The following MYO3B variants were observed in gnomAD, a reference collection of about 807,000 sequenced individuals.
The protein encoded by MYO3B is myosin-IIIb.
In MYO3B, 156 loss-of-function variants were observed where a neutral mutation model predicts 174.6. The observed-to-expected ratio is 0.89, with a 90% confidence interval of 0.78 to 1.02. MYO3B has a LOEUF of 1.02. Ranked by LOEUF, MYO3B falls within the 50% of genes least tolerant of loss-of-function variation. MYO3B has a pLI of 0.00. For synonymous variants in MYO3B, 563 were observed against 569.1 expected (o/e 0.99, Z 0.15); for missense variants, 1,632 against 1,639.4 (o/e 1.00, Z 0.08).
intron 12 of MYO3B, chr2:170,384,057 A>G (rs2094355880): frequency 7.4e-6 from 3 of 407,912 alleles, no homozygotes; most frequent in Non-Finnish European, 1.3e-5. Context: ...ATTTTCTCTG[A>G]TAAGATATAA....
At chr2:170,281,806 A>G (rs1227092982) in intron 7 of MYO3B, among the ~76,000 whole-genome samples, 2 of 152,196 alleles carry the variant, frequency 1.3e-5, no homozygotes, top group Non-Finnish European at 2.9e-5. Context: ...AAAAAAATTA[A>G]TAAGATAGGC....
intron 13 of MYO3B, among the ~76,000 whole-genome samples, chr2:170,386,712 A>C (rs1442546926): frequency 6.6e-6 from 1 of 152,232 alleles, no homozygotes; most frequent in East Asian, 1.9e-4. Context: ...GTAGTTACTT[A>C]CACTCTGAAT....
intron 22 of MYO3B, among the ~76,000 whole-genome samples, chr2:170,427,966 A>G (rs141360966): frequency 9.4e-4 from 143 of 152,308 alleles, no homozygotes; most frequent in African/African-American, 3.3e-3. Context: ...ATGTTTTACT[A>G]GGAGAATAGA....
intron 7 of MYO3B, among the ~76,000 whole-genome samples, chr2:170,252,140 C>G (rs1022644537): frequency 6.6e-6 from 1 of 152,222 alleles, no homozygotes; most frequent in Non-Finnish European, 1.5e-5. Flanking sequence ...TGATAATGCA[C>G]TTACCTGAAG....
intron 8 of MYO3B, among the ~76,000 whole-genome samples, chr2:170,345,949 G>T (rs2094012848): frequency 6.6e-6 from 1 of 151,936 alleles, no homozygotes; most frequent in Non-Finnish European, 1.5e-5. Context: ...AGGGAGAATA[G>T]CCCTGCCGAC....
intron 6 of MYO3B, among the ~76,000 whole-genome samples, chr2:170,220,173 G>A (rs1249198840): frequency 1.3e-5 from 2 of 152,096 alleles, no homozygotes; most frequent in Non-Finnish European, 2.9e-5. Context: ...AAGAAGAATG[G>A]CGTGAACCCG....
Position 170,232,321 on chromosome 2 carries a change from G to T in MYO3B, c.604-3670G>T, listed in dbSNP as rs950707853. Among the ~76,000 whole-genome samples, 7 of 152,194 alleles carry T rather than the reference G, an allele frequency of 4.6e-5. No individual in the cohort carries two copies. In the East Asian group the frequency reaches 1.3e-3, roughly 29 times the overall value. Reference sequence around the variant, plus strand: ...TGGATTGATAGGGAATCCCATTCCAGGATGTTGACCTTCAGTTGCCCTGCA... The same window carrying T: ...TGGATTGATAGGGAATCCCATTCCATGATGTTGACCTTCAGTTGCCCTGCA... On this transcript the variant is annotated intron_variant, in intron 6 of 34. Coordinates refer to ENST00000408978, the MANE Select transcript of MYO3B (RefSeq NM_138995.5).
Position 170,379,521 on chromosome 2 carries a change from C to A in MYO3B, c.972-2495C>A, listed in dbSNP as rs77597558. 7.5e-3 allele frequency among the ~76,000 whole-genome samples: 1,144 copies of A among 152,186 alleles called. 23 individuals carry two copies. The highest frequency in any genetic ancestry group is 0.026 in the African/African-American group (1,065 of 41,528). On this transcript the variant is annotated intron_variant, in intron 9 of 34. Coordinates refer to ENST00000408978, the MANE Select transcript of MYO3B (RefSeq NM_138995.5). ...ATTTTGTTTTTTGATTAACTTCAAG[C>A]AAAATTATTCTTAGGTTTTATGTGA...
At chr2:170,414,217 C>T (rs1346831186) in intron 22 of MYO3B, among the ~76,000 whole-genome samples, 3 of 151,984 alleles carry the variant, frequency 2.0e-5, no homozygotes, top group Admixed American at 1.3e-4. Flanking sequence ...GATGGAGTTT[C>T]ACTCTTGTCA....
intron 25 of MYO3B, among the ~76,000 whole-genome samples, chr2:170,487,138 G>C (rs1235441557): frequency 1.3e-5 from 2 of 152,186 alleles, no homozygotes; most frequent in African/African-American, 4.8e-5. Flanking sequence ...CTGTTTCAGA[G>C]ACCCTGCTAA....
At chr2:170,411,892 G>C (rs890047377) in intron 22 of MYO3B, 1 of 152,160 alleles carries the variant, frequency 6.6e-6, no homozygotes, top group Admixed American at 6.5e-5. Flanking sequence ...GTGACCTTGT[G>C]GTAAAAGGAG....
intron 32 of MYO3B, among the ~76,000 whole-genome samples, chr2:170,636,952 T>TTGTCCG (rs1211044839): frequency 2.2e-5 from 2 of 89,104 alleles, no homozygotes; most frequent in Non-Finnish European, 4.5e-5. Context: ...GCATTTGCTT[T>TTGTCCG]TGTGCGTGTG....
rs140903592 is a variant in MYO3B at position 170,390,941 on chromosome 2, C to T, written c.1578-579C>T. ...TTAGAAACTGACAGCAGTCCACAGG[C>T]TATGCTCAGAGTAGCACCTATCTGA... is the stretch of plus-strand genomic sequence containing the variant. On this transcript the variant is annotated intron_variant, in intron 14 of 34. Transcript: ENST00000408978. 2.5e-4 allele frequency among the ~76,000 whole-genome samples: 38 copies of T among 152,248 alleles called. No individual in the cohort carries two copies. The East Asian group carries it at 6.0e-3, about 24-fold the overall frequency.
chr2:170,565,832 T>A (rs190202488), intron 32 of MYO3B, among the ~76,000 whole-genome samples: 114 of 152,358 alleles, frequency 7.5e-4, no homozygotes, highest in African/African-American at 2.4e-3. Flanking sequence ...TACAATACTT[T>A]CGATGAGAGA....
intron 7 of MYO3B, among the ~76,000 whole-genome samples, chr2:170,293,230 C>T (rs1419034515): frequency 3.9e-5 from 6 of 152,106 alleles, no homozygotes; most frequent in African/African-American, 1.4e-4. Context: ...TGTTTCTGCA[C>T]TGCCATTTGA....
In MYO3B at chr2:170,653,245, C is replaced by A; in HGVS notation, c.*124C>A. 1 of 1,119,198 alleles carries A rather than the reference C, an allele frequency of 8.9e-7. No individual in the cohort carries two copies. The highest frequency in any genetic ancestry group is 1.3e-6 in the Non-Finnish European group (1 of 768,740). 69.3% of individuals were successfully genotyped at this position (1,119,198 alleles called of 1,614,324 possible). ...TTTGGACATATGGTCCATGCCTGAA[C>A]CTTACTGAACCACTTGCAGATTCCA... On this transcript the variant is annotated 3_prime_UTR_variant, in exon 35 of 35. Transcript: ENST00000408978.
intron 25 of MYO3B, among the ~76,000 whole-genome samples, chr2:170,491,190 A>G (rs1452418185): frequency 6.6e-6 from 1 of 152,136 alleles, no homozygotes; most frequent in Non-Finnish European, 1.5e-5. Flanking sequence ...TTTTAACACT[A>G]TACATTTCTA....
chr2:170,577,013 A>G (rs6734226), intron 32 of MYO3B, among the ~76,000 whole-genome samples: 67,773 of 152,014 alleles, frequency 0.45, 15,465 homozygotes, highest in East Asian at 0.63. Flanking sequence ...CAGGATCAAT[A>G]CATCCAACAG....
intron 32 of MYO3B, among the ~76,000 whole-genome samples, chr2:170,595,586 G>T (rs1404504775): frequency 6.6e-6 from 1 of 151,968 alleles, no homozygotes. Context: ...CCAGGTACAC[G>T]CACCACCACG....
Sources: gnomAD v4.1 joint callset for allele counts (sites outside exome capture counted in the v4.1 genomes callset) on GRCh38, gnomAD v4.1.1 for gene constraint, MANE v1.5 for transcripts, NCBI Gene and HGNC (gene_info 2026-07-23, HGNC 2026-07-21) for gene names.